Variants in KIF13A observed in about 807,000 individuals in gnomAD.
The protein encoded by KIF13A is kinesin family member 13A.
Under a neutral mutation model 212.2 loss-of-function variants are expected in KIF13A, and 79 were observed. The observed-to-expected ratio is 0.37, with a 90% CI of 0.31 to 0.45. The LOEUF is 0.45. Among genes scored for constraint, KIF13A ranks in the 20% least tolerant of loss-of-function variants. The pLI, the probability that KIF13A is intolerant of heterozygous loss-of-function variation, is 1.00. For missense variants in KIF13A, 1,901 were observed against 2,209.0 expected, an observed-to-expected ratio of 0.86 and a Z score of 2.79; for synonymous variants, 789 against 808.6, an observed-to-expected ratio of 0.98 and a Z score of 0.41.
chr6:17,885,120 G>A (rs724915), intron 3 of KIF13A, among the ~76,000 whole-genome samples: 85,370 of 150,804 alleles, frequency 0.57, 24,177 homozygotes, highest in Middle Eastern at 0.63. Context: ...ATTCATAAAA[G>A]AAAAAAAGGA....
At chr6:17,930,070 T>A (rs1775862156) in intron 2 of KIF13A, among the ~76,000 whole-genome samples, 1 of 152,174 alleles carries the variant, frequency 6.6e-6, no homozygotes, top group South Asian at 2.1e-4. Context: ...TAAAAAGATA[T>A]CATTTGTGAA....
chr6:17,919,846 C>T lies in KIF13A; in HGVS notation c.147-21666G>A, dbSNP rs1014189547. 2.0e-5 allele frequency among the ~76,000 whole-genome samples: 3 copies of T among 152,194 alleles called. No homozygotes were observed. Among genetic ancestry groups the T allele is most frequent in the Middle Eastern group, 3.4e-3 (1 of 294 alleles). On this transcript the variant is annotated intron_variant, in intron 2 of 38. Coordinates refer to ENST00000259711, the MANE Select transcript of KIF13A (RefSeq NM_022113.6). The surrounding 1 kb of genome is among the most constrained non-coding windows in gnomAD (Gnocchi z 4.1). ...CATCCAGCAGCCTCTGGCTCTGCTA[C>T]GACAGTGAAGAAATACAGCAAAACA... is the stretch of plus-strand genomic sequence containing the variant.
chr6:17,759,390 C>T (rs1016766337), downstream of KIF13A: 7 of 152,108 alleles, frequency 4.6e-5, no homozygotes, highest in African/African-American at 1.4e-4. Context: ...TAAAATACTA[C>T]AGTCAGCTCA....
rs576385832 is a variant in KIF13A, at chr6:17,783,925, T to A, written c.3489-224A>T. ...GTTATATGAGTTACATGTAATTAAT[T>A]GAAACAAAGATGATTTTAAGCCTTT... On this transcript the variant is annotated intron_variant, in intron 28 of 38. Transcript: ENST00000259711. The surrounding 1 kb of genome is among the most constrained non-coding windows in gnomAD (Gnocchi z 4.3). Among the ~76,000 whole-genome samples the A allele has an allele frequency of 2.0e-5, 3 of 152,284 alleles. No individual in the cohort carries two copies. The South Asian group carries it at 6.2e-4, about 32-fold the overall frequency.
At chr6:17,974,701 T>C (rs185891237) in intron 2 of KIF13A, among the ~76,000 whole-genome samples, 2 of 152,128 alleles carry the variant, frequency 1.3e-5, no homozygotes, top group African/African-American at 2.4e-5. Flanking sequence ...TACAGCCCAA[T>C]TAAGTGAGAA....
intron 16 of KIF13A, among the ~76,000 whole-genome samples, chr6:17,820,375 G>A (rs986971953): frequency 6.6e-6 from 1 of 152,092 alleles, no homozygotes; most frequent in African/African-American, 2.4e-5. Context: ...GTTTTGTTTC[G>A]CCTCTGATCC....
At chr6:17,911,045 G>A (rs970171458) in intron 2 of KIF13A, among the ~76,000 whole-genome samples, 1 of 152,198 alleles carries the variant, frequency 6.6e-6, no homozygotes, top group Non-Finnish European at 1.5e-5. Context: ...TTACAGGCAT[G>A]AGCCACCGCG....
chr6:17,814,568 T>C (rs1763754680), intron 17 of KIF13A, among the ~76,000 whole-genome samples: 1 of 24,560 alleles, frequency 4.1e-5, no homozygotes, highest in Non-Finnish European at 1.0e-4. Flanking sequence ...TTATTAGTAC[T>C]ATTAATTATT....
chr6:17,941,631 AAGTCTC>A (rs1776963598), intron 2 of KIF13A, among the ~76,000 whole-genome samples: 1 of 152,012 alleles, frequency 6.6e-6, no homozygotes, highest in Non-Finnish European at 1.5e-5. Flanking sequence ...CCAAGGAGAG[AAGTCTC>A]AGAGGAAACC....
intron 2 of KIF13A, among the ~76,000 whole-genome samples, chr6:17,981,580 C>T (rs974101748): frequency 2.6e-5 from 4 of 151,746 alleles, no homozygotes; most frequent in Non-Finnish European, 5.9e-5. Flanking sequence ...CACACCACCA[C>T]GCCAGGCTAA....
chr6:17,882,769 C>T (rs540900095), intron 3 of KIF13A, among the ~76,000 whole-genome samples: 26 of 152,194 alleles, frequency 1.7e-4, no homozygotes, highest in Middle Eastern at 3.4e-3. Flanking sequence ...ACCATGCTGG[C>T]CATGCTGGTC....
chr6:17,815,566 T>G (rs1447131463), intron 17 of KIF13A: 1 of 422,472 alleles, frequency 2.4e-6, no homozygotes, highest in African/African-American at 2.0e-5. Context: ...GGCTTACACT[T>G]GTCTTCTGGT....
intron 2 of KIF13A, among the ~76,000 whole-genome samples, chr6:17,929,079 A>AG (rs1173057769): frequency 6.6e-6 from 1 of 151,596 alleles, no homozygotes; most frequent in Non-Finnish European, 1.5e-5. Context: ...AAAAAAAAAA[A>AG]AAAACAAAGG....
At position 17,856,658 on chromosome 6, in the gene KIF13A, G is replaced by C. The variant is rs1346169993; in HGVS notation, c.221-536C>G. ...TCACCTGTGTCCCCACAGCGGGAGTGGGGGACAAGTTCTCTTTTGTGAATC... is the reference window on the plus strand; with the variant it reads ...TCACCTGTGTCCCCACAGCGGGAGTCGGGGACAAGTTCTCTTTTGTGAATC... On this transcript the variant is annotated intron_variant, in intron 4 of 38. Transcript: ENST00000259711. This position sits in a 1 kb window ranked among gnomAD's most constrained non-coding sequence, Gnocchi z 4.5. Among the ~76,000 whole-genome samples the C allele has an allele frequency of 6.6e-6, 1 of 152,140 alleles. No individual in the cohort carries two copies. Among genetic ancestry groups the C allele is most frequent in the Non-Finnish European group, 1.5e-5 (1 of 68,030 alleles).
chr6:17,861,623 A>T (rs1768795552), intron 4 of KIF13A, among the ~76,000 whole-genome samples: 1 of 152,162 alleles, frequency 6.6e-6, no homozygotes, highest in East Asian at 1.9e-4. Context: ...CTTAGTTCTG[A>T]CTGAGTCAGT....
Position 17,914,854 on chromosome 6 carries a change from A to C in KIF13A, c.147-16674T>G, listed in dbSNP as rs902658055. Among the ~76,000 whole-genome samples the C allele has an allele frequency of 3.3e-5, 5 of 152,246 alleles. No individual in the cohort carries two copies. Among genetic ancestry groups the C allele is most frequent in the African/African-American group, 1.2e-4 (5 of 41,466 alleles). The stretch of plus-strand genomic sequence containing the variant: ...GCAATTCTCTTGTCATGTCTTCAAA[A>C]GTATCACACAGTGAGGCTTTCCCAA... On this transcript the variant is annotated intron_variant, in intron 2 of 38. Coordinates refer to ENST00000259711, the MANE Select transcript of KIF13A (RefSeq NM_022113.6). The surrounding 1 kb of genome is among the most constrained non-coding windows in gnomAD (Gnocchi z 5.9).
At chr6:17,957,102 G>A (rs62398186) in intron 2 of KIF13A, among the ~76,000 whole-genome samples, 4 of 151,934 alleles carry the variant, frequency 2.6e-5, no homozygotes, top group Admixed American at 6.6e-5. Flanking sequence ...GGCTGGTCTC[G>A]AACTCCTGAC....
At position 17,987,516 on chromosome 6, in the gene KIF13A, C is replaced by T; in HGVS notation, c.-53G>A. 3 of 1,024,734 alleles carry T rather than the reference C, an allele frequency of 2.9e-6. No homozygotes were observed. Among genetic ancestry groups the T allele is most frequent in the Non-Finnish European group, 3.6e-6 (3 of 840,142 alleles). The allele number at this position is 1,024,734 out of a possible 1,614,324, so 63.5% of individuals were successfully genotyped here. ...CGCGCCCGCTCGGCCTTAGGCGGCC[C>T]CTCACGCGCGGCGCCGCCGCCGCTG... On this transcript the variant is annotated 5_prime_UTR_variant, in exon 1 of 39. Coordinates refer to ENST00000259711, the MANE Select transcript of KIF13A (RefSeq NM_022113.6). This position sits in a 1 kb window ranked among gnomAD's most constrained non-coding sequence, Gnocchi z 7.7.
rs777786236 is a variant in KIF13A, at chr6:17,849,505, G to A, written c.718-16C>T. On this transcript the variant is annotated splice_polypyrimidine_tract_variant and intron_variant, in intron 8 of 38. Coordinates refer to ENST00000259711, the MANE Select transcript of KIF13A (RefSeq NM_022113.6). The surrounding 1 kb of genome is among the most constrained non-coding windows in gnomAD (Gnocchi z 5.7). ...CCCCGGAATTCTAGTTATAGGAAAC[G>A]AGAGAGAGAAGAAAAACTTATCAAT... 7.0e-6 allele frequency: 11 copies of A among 1,580,812 alleles called. No homozygotes were observed. Among genetic ancestry groups the A allele is most frequent in the Admixed American group, 3.4e-5 (2 of 58,738 alleles).
Sources: allele counts gnomAD v4.1 joint callset (sites outside exome capture counted in the v4.1 genomes callset), GRCh38; gene constraint gnomAD v4.1.1; non-coding constraint Gnocchi (gnomAD v3.1); transcripts MANE v1.5; gene names NCBI Gene and HGNC (gene_info 2026-07-23, HGNC 2026-07-21).